Variants in MAP4 observed in about 807,000 individuals in gnomAD.
The protein encoded by MAP4 is microtubule associated protein 4, also known as microtubule-associated protein 4.
In MAP4, 76 loss-of-function variants were observed where a neutral mutation model predicts 170.2. The ratio of observed to expected loss-of-function variants is 0.45; its 90% CI spans 0.37 to 0.54. The LOEUF is 0.54. Ranked by LOEUF, MAP4 falls within the 20% of genes least tolerant of loss-of-function variation. MAP4 has a pLI of 0.00. For synonymous variants in MAP4, 909 were observed against 994.5 expected, an observed-to-expected ratio of 0.91 and a Z score of 1.62; for missense variants, 2,506 against 2,748.0, an observed-to-expected ratio of 0.91 and a Z score of 1.97.
intron 5 of MAP4, among the ~76,000 whole-genome samples, chr3:47,921,531 A>T (rs1448519080): frequency 1.3e-5 from 2 of 152,154 alleles, no homozygotes; most frequent in East Asian, 1.9e-4. Context: ...TCAAAAAAAA[A>T]ATTTGTCATT....
chr3:48,040,801 T>A (rs1052868351), intron 1 of MAP4, among the ~76,000 whole-genome samples: 5 of 152,168 alleles, frequency 3.3e-5, no homozygotes, highest in Non-Finnish European at 5.9e-5. Flanking sequence ...GACCTTATGA[T>A]CTGCCCGCCT....
chr3:47,933,756 A>G (rs2100051237), intron 3 of MAP4, among the ~76,000 whole-genome samples: 1 of 151,818 alleles, frequency 6.6e-6, no homozygotes. Flanking sequence ...GCCTGCCACC[A>G]CGCCCGGCTA....
At chr3:47,890,941 T>TA (rs1480938187) in intron 10 of MAP4, 1 of 1,169,788 alleles carries the variant, frequency 8.5e-7, no homozygotes, top group East Asian at 2.6e-5. Context: ...AAAAGCTGCT[T>TA]AGTGCTCTGC....
chr3:47,890,763 C>T (rs1286620435), intron 10 of MAP4, among the ~76,000 whole-genome samples: 2 of 152,070 alleles, frequency 1.3e-5, no homozygotes, highest in Non-Finnish European at 2.9e-5. Context: ...TTCTCTGACC[C>T]CATTCCACCC....
intron 3 of MAP4, among the ~76,000 whole-genome samples, chr3:47,951,463 T>C (rs1024620489): frequency 5.9e-5 from 9 of 152,302 alleles, no homozygotes; most frequent in Non-Finnish European, 8.8e-5. Context: ...GATTCTCCTG[T>C]CTCAGCCTGC....
intron 13 of MAP4, among the ~76,000 whole-genome samples, chr3:47,871,554 A>G (rs1447659017): frequency 6.6e-6 from 1 of 152,096 alleles, no homozygotes; most frequent in African/African-American, 2.4e-5. Flanking sequence ...TCTTATCATC[A>G]TGTAAGCCCA....
intron 3 of MAP4, among the ~76,000 whole-genome samples, chr3:47,948,922 A>G (rs1434069722): frequency 6.6e-6 from 1 of 152,040 alleles, no homozygotes; most frequent in Non-Finnish European, 1.5e-5. Flanking sequence ...CGCCCGGCCG[A>G]TCAATTTTCT....
At chr3:47,942,035 G>T (rs2100056828) in intron 3 of MAP4, among the ~76,000 whole-genome samples, 1 of 152,076 alleles carries the variant, frequency 6.6e-6, no homozygotes, top group African/African-American at 2.4e-5. Context: ...TTAGAAGTCT[G>T]TTAGTCCAAA....
chr3:47,868,499 A>G (rs1253296823), intron 16 of MAP4, among the ~76,000 whole-genome samples: 1 of 152,114 alleles, frequency 6.6e-6, no homozygotes, highest in Non-Finnish European at 1.5e-5. Flanking sequence ...GAGACTTCCC[A>G]TGCTGGTCCC....
chr3:47,974,875 A>T, intron 3 of MAP4: 1 of 965,868 alleles, frequency 1.0e-6, no homozygotes, highest in Non-Finnish European at 1.2e-6. Context: ...AATATCTATC[A>T]TTATTTAGAT....
chr3:47,858,591 G>A (rs1168742673), intron 17 of MAP4, among the ~76,000 whole-genome samples: 1 of 136,676 alleles, frequency 7.3e-6, no homozygotes, highest in Non-Finnish European at 1.5e-5. Flanking sequence ...GGGGTGGTGT[G>A]TGTGTGTGTG....
rs138074552 is a variant in MAP4 at position 47,918,836 on chromosome 3, A to T, written c.535T>A (p.Ser179Thr). Residue 179 changes from serine to threonine, a missense_variant, in exon 6 of 21, where the codon TCT becomes ACT. Physicochemically the swap from Ser to Thr is moderately conservative, Grantham distance 58 (BLOSUM62 1). Transcript: ENST00000683076. The stretch of plus-strand genomic sequence containing the variant: ...GGTACAACAGCTGTGTTGCAGGGAG[A>T]CATACCTAATATTGAAACACAAACA... The part of the protein sequence containing the change: ...NDPLKDSYGM[S>T]PCNTAVVPQG... 63 of 1,612,366 alleles carry T rather than the reference A, an allele frequency of 3.9e-5. 1 individual carries two copies. In the East Asian group the frequency reaches 1.4e-3, roughly 35 times the overall value.
At chr3:48,077,297 C>T (rs987081133) in intron 1 of MAP4, among the ~76,000 whole-genome samples, 2 of 151,814 alleles carry the variant, frequency 1.3e-5, no homozygotes, top group Non-Finnish European at 2.9e-5. Flanking sequence ...CAAAATTAGC[C>T]GGGCATGGTG....
chr3:47,864,029 G>A (rs1315578801), intron 17 of MAP4, among the ~76,000 whole-genome samples: 4 of 150,952 alleles, frequency 2.6e-5, no homozygotes, highest in African/African-American at 9.9e-5. Context: ...CCAGGCTGAA[G>A]TGTGGTGGTG....
intron 3 of MAP4, among the ~76,000 whole-genome samples, chr3:47,946,242 C>G (rs1196129153): frequency 6.6e-6 from 1 of 151,468 alleles, no homozygotes; most frequent in African/African-American, 2.4e-5. Context: ...CACACCCGGC[C>G]CCATAACTTA....
chr3:47,985,732 G>A (rs1408226352), intron 2 of MAP4, among the ~76,000 whole-genome samples: 1 of 152,126 alleles, frequency 6.6e-6, no homozygotes, highest in African/African-American at 2.4e-5. Flanking sequence ...GAAGAGTTGA[G>A]GAACTGTTCC....
chr3:47,991,499 T>A (rs929688414), intron 2 of MAP4, among the ~76,000 whole-genome samples: 4 of 152,130 alleles, frequency 2.6e-5, no homozygotes, highest in African/African-American at 9.6e-5. Flanking sequence ...AGTCTGACTG[T>A]CGCTATAAAA....
Position 47,884,317 on chromosome 3 carries a change from T to C in MAP4, c.5435-6794A>G, listed in dbSNP as rs535748572. On this transcript the variant is annotated intron_variant, in intron 10 of 20. Coordinates refer to ENST00000683076, the MANE Select transcript of MAP4 (RefSeq NM_001385682.1). ...ATTTTAATTATTATATTTTTCATAT[T>C]GACAATTAACATTTGGTTCTTTTTA... is the stretch of plus-strand genomic sequence containing the variant. Among the ~76,000 whole-genome samples, 3 of 152,342 alleles carry C rather than the reference T, an allele frequency of 2.0e-5. No individual in the cohort carries two copies. In the East Asian group the frequency reaches 5.8e-4, roughly 29 times the overall value.
chr3:48,003,837 A>G (rs1477381740), intron 1 of MAP4, among the ~76,000 whole-genome samples: 1 of 152,154 alleles, frequency 6.6e-6, no homozygotes, highest in Non-Finnish European at 1.5e-5. Context: ...GGTGGGCACC[A>G]TCTAATCAGC....
Sources: gnomAD v4.1 joint callset for allele counts (sites outside exome capture counted in the v4.1 genomes callset) on GRCh38, gnomAD v4.1.1 for gene constraint, MANE v1.5 for transcripts, NCBI Gene and HGNC (gene_info 2026-07-23, HGNC 2026-07-21) for gene names.